Variants in COL8A1 observed in about 807,000 individuals in gnomAD.
COL8A1 encodes the protein collagen alpha-1(VIII) chain.
In COL8A1, 21 loss-of-function variants were observed where a neutral mutation model predicts 42.7. That is an observed-to-expected ratio of 0.49 (90% CI 0.35 to 0.71). The LOEUF (loss-of-function observed/expected upper bound fraction) is 0.71, where lower values mean the gene tolerates loss of function less well. Ranked by LOEUF, COL8A1 falls within the 30% of genes least tolerant of loss-of-function variation. The pLI, the probability that COL8A1 is intolerant of heterozygous loss-of-function variation, is 0.01. For missense variants in COL8A1, 788 were observed against 962.4 expected (o/e 0.82, Z 2.40); for synonymous variants, 367 against 369.1 (o/e 0.99, Z 0.06).
rs775831851 is a variant in COL8A1 at position 99,669,123 on chromosome 3, T to TTATA, written c.-129+30480_-129+30483dup. ...TTTTTAAGACCTTGTCTTAAAAAAATTATATATATATATATATATATATAG... is the reference window on the plus strand; with the variant it reads ...TTTTTAAGACCTTGTCTTAAAAAAATTATATATATATATATATATATATATATAG... On this transcript the variant is annotated intron_variant, in intron 1 of 3. Transcript: ENST00000652472. Among the ~76,000 whole-genome samples the TTATA allele has an allele frequency of 4.1e-3, 400 of 96,564 alleles. 1 individual carries two copies. The highest frequency in any genetic ancestry group is 0.012 in the Middle Eastern group (2 of 166). 63.3% of individuals were successfully genotyped at this position (96,564 alleles called of 152,430 possible). A position where few individuals can be genotyped will look rare whatever the true frequency, so the allele number is the denominator to read the frequency against.
At chr3:99,768,184 A>AAC (rs1380478478) in intron 2 of COL8A1, among the ~76,000 whole-genome samples, 1 of 152,204 alleles carries the variant, frequency 6.6e-6, no homozygotes, top group East Asian at 1.9e-4. Context: ...CAAACTCTTG[A>AAC]AAGTTAAGGA....
intron 1 of COL8A1, among the ~76,000 whole-genome samples, chr3:99,685,898 A>G (rs1349695636): frequency 6.6e-6 from 1 of 152,220 alleles, no homozygotes; most frequent in Non-Finnish European, 1.5e-5. Context: ...CAACATTTTT[A>G]ACCATATGAG....
At chr3:99,745,556 C>G (rs551406998) in intron 2 of COL8A1, among the ~76,000 whole-genome samples, 1 of 152,004 alleles carries the variant, frequency 6.6e-6, no homozygotes, top group Admixed American at 6.6e-5. Context: ...AACTTTTTTT[C>G]TGGCTGATAT....
chr3:99,749,587 G>C (rs146238158), intron 2 of COL8A1, among the ~76,000 whole-genome samples: 3 of 152,268 alleles, frequency 2.0e-5, no homozygotes, highest in Non-Finnish European at 4.4e-5. Context: ...TGACTAAATA[G>C]AAGGGGAGTC....
At chr3:99,683,659 CA>C (rs1350140437) in intron 1 of COL8A1, among the ~76,000 whole-genome samples, 7 of 151,786 alleles carry the variant, frequency 4.6e-5, no homozygotes, top group African/African-American at 1.7e-4. Context: ...GATAGGACCA[CA>C]AGATTTCTTC....
intron 1 of COL8A1, among the ~76,000 whole-genome samples, chr3:99,660,143 T>C (rs1447432375): frequency 6.6e-6 from 1 of 152,108 alleles, no homozygotes; most frequent in African/African-American, 2.4e-5. Context: ...CAAGTGAGTG[T>C]GGTGCGTCAC....
intron 1 of COL8A1, among the ~76,000 whole-genome samples, chr3:99,659,723 G>A (rs1183147972): frequency 6.6e-6 from 1 of 152,042 alleles, no homozygotes; most frequent in Non-Finnish European, 1.5e-5. Context: ...ATATCTTTTT[G>A]TCCTTTATGA....
intron 1 of COL8A1, among the ~76,000 whole-genome samples, chr3:99,723,965 C>T (rs652026): frequency 0.48 from 72,684 of 152,016 alleles, 17,663 homozygotes; most frequent in East Asian, 0.63. Context: ...TCTGCTTATA[C>T]AGCTGTGTGT....
chr3:99,754,038 T>A (rs565169675), intron 2 of COL8A1, among the ~76,000 whole-genome samples: 2 of 152,342 alleles, frequency 1.3e-5, no homozygotes, highest in Admixed American at 6.5e-5. Context: ...TGTAAACTGT[T>A]GTCAGTTACA....
chr3:99,699,806 TAC>T (rs1265934838), intron 1 of COL8A1, among the ~76,000 whole-genome samples: 1 of 152,082 alleles, frequency 6.6e-6, no homozygotes, highest in African/African-American at 2.4e-5. Flanking sequence ...CCACCTCACA[TAC>T]ACATACACAT....
At chr3:99,674,120 T>C (rs1296396998) in intron 1 of COL8A1, among the ~76,000 whole-genome samples, 1 of 152,096 alleles carries the variant, frequency 6.6e-6, no homozygotes, top group Admixed American at 6.6e-5. Flanking sequence ...TGCTTTTTCA[T>C]GAATGGGTGC....
chr3:99,727,551 C>T (rs1940371080), intron 1 of COL8A1, among the ~76,000 whole-genome samples: 1 of 151,916 alleles, frequency 6.6e-6, no homozygotes, highest in Non-Finnish European at 1.5e-5. Context: ...TTCCCAGCAC[C>T]ATTTATTAAA....
intron 1 of COL8A1, chr3:99,703,676 G>A (rs1372012958): frequency 1.3e-5 from 2 of 152,084 alleles, no homozygotes; most frequent in African/African-American, 2.4e-5. Context: ...ACTTTGTTTC[G>A]GTTACCAGAA....
At chr3:99,733,182 T>C (rs1251629995) in intron 1 of COL8A1, among the ~76,000 whole-genome samples, 1 of 150,452 alleles carries the variant, frequency 6.6e-6, no homozygotes, top group East Asian at 2.0e-4. Flanking sequence ...AGTTTTAGGG[T>C]ACATGTGCAC....
chr3:99,645,904 G>A (rs1407662406), intron 1 of COL8A1, among the ~76,000 whole-genome samples: 1 of 152,100 alleles, frequency 6.6e-6, no homozygotes, highest in Admixed American at 6.5e-5. Context: ...GGCAGCTGGG[G>A]GTCAGTGAGA....
At chr3:99,739,248 C>T (rs1357062722) in intron 1 of COL8A1, among the ~76,000 whole-genome samples, 1 of 152,220 alleles carries the variant, frequency 6.6e-6, no homozygotes, top group Admixed American at 6.5e-5. Flanking sequence ...TTGGCTCCTC[C>T]TCTCCCAGCT....
At chr3:99,764,274 G>C (rs1292353838) in intron 2 of COL8A1, among the ~76,000 whole-genome samples, 2 of 152,152 alleles carry the variant, frequency 1.3e-5, no homozygotes, top group Non-Finnish European at 2.9e-5. Context: ...TTGCATGTAA[G>C]AGGTATCCAG....
intron 1 of COL8A1, among the ~76,000 whole-genome samples, chr3:99,682,356 T>C (rs2107324201): frequency 6.6e-6 from 1 of 152,250 alleles, no homozygotes; most frequent in South Asian, 2.1e-4. Context: ...TGGTCAAGGC[T>C]GCAGTGAGCC....
intron 1 of COL8A1, among the ~76,000 whole-genome samples, chr3:99,738,758 C>A (rs1360513640): frequency 6.6e-6 from 1 of 152,192 alleles, no homozygotes; most frequent in East Asian, 1.9e-4. Context: ...CCACCCAGTT[C>A]GAGCTTCCTG....
Sources: allele counts gnomAD v4.1 joint callset (sites outside exome capture counted in the v4.1 genomes callset), GRCh38; gene constraint gnomAD v4.1.1; transcripts MANE v1.5; gene names NCBI Gene and HGNC (gene_info 2026-07-23, HGNC 2026-07-21).